Variants in RBFOX1 observed in about 807,000 individuals in gnomAD.
The protein encoded by RBFOX1 is RNA binding fox-1 homolog 1.
In RBFOX1, 8 loss-of-function variants were observed where a neutral mutation model predicts 57.7. The ratio of observed to expected loss-of-function variants is 0.14; its 90% CI spans 0.08 to 0.25. The LOEUF is 0.25. RBFOX1 is among the 10% of genes least tolerant of loss of function. The pLI, the probability that RBFOX1 is intolerant of heterozygous loss-of-function variation, is 1.00. For synonymous variants in RBFOX1, 326 were observed against 222.4 expected (o/e 1.47, Z -4.15); for missense variants, 611 against 548.5 (o/e 1.11, Z -1.14).
intron 3 of RBFOX1, among the ~76,000 whole-genome samples, chr16:6,870,373 C>T (rs144247816): frequency 5.3e-5 from 8 of 152,160 alleles, no homozygotes; most frequent in African/African-American, 1.7e-4. Context: ...ATTGGATTTT[C>T]ACATATCTCA....
intron 2 of RBFOX1, among the ~76,000 whole-genome samples, chr16:5,484,007 C>G (rs919867144): frequency 9.2e-5 from 14 of 151,908 alleles, no homozygotes; most frequent in African/African-American, 3.1e-4. Context: ...CCTGTCTTGC[C>G]AAAAATAAAA....
At chr16:6,178,346 C>T (rs539033107) in intron 1 of RBFOX1, among the ~76,000 whole-genome samples, 1 of 151,960 alleles carries the variant, frequency 6.6e-6, no homozygotes, top group East Asian at 1.9e-4. Context: ...GCCACCATGC[C>T]TAACTTTTTG....
At chr16:7,112,111 C>T (rs1052224524) in intron 4 of RBFOX1, among the ~76,000 whole-genome samples, 16 of 152,080 alleles carry the variant, frequency 1.1e-4, no homozygotes, top group Admixed American at 6.5e-4. Flanking sequence ...TGATCTTATG[C>T]GTTAGACCAA....
At chr16:6,999,216 A>ATTTTTTTTTTT (rs374767232) in intron 3 of RBFOX1, among the ~76,000 whole-genome samples, 2 of 109,024 alleles carry the variant, frequency 1.8e-5, no homozygotes, top group East Asian at 2.4e-4. Context: ...ATTTTTATTT[A>ATTTTTTTTTTT]TTTTTTTTAT....
chr16:6,402,868 G>A (rs754649323), intron 2 of RBFOX1, among the ~76,000 whole-genome samples: 7 of 152,304 alleles, frequency 4.6e-5, no homozygotes, highest in African/African-American at 1.2e-4. Flanking sequence ...AAGTGTAACC[G>A]AGATGTAATT....
chr16:7,204,236 C>G (rs1603017506), intron 4 of RBFOX1, among the ~76,000 whole-genome samples: 1 of 152,212 alleles, frequency 6.6e-6, no homozygotes, highest in Admixed American at 6.5e-5. Context: ...TCTCTTGCCT[C>G]TATCTCAGGC....
intron 3 of RBFOX1, among the ~76,000 whole-genome samples, chr16:5,708,096 G>T (rs563999476): frequency 4.6e-5 from 7 of 152,230 alleles, no homozygotes; most frequent in African/African-American, 1.7e-4. Context: ...CGCTTGTTTC[G>T]TGGGCTCTTC....
At chr16:5,547,929 G>A (rs1215747553) in intron 2 of RBFOX1, among the ~76,000 whole-genome samples, 1 of 151,884 alleles carries the variant, frequency 6.6e-6, no homozygotes, top group East Asian at 1.9e-4. Flanking sequence ...GGAGGCTAAG[G>A]TGGGCAGATC....
chr16:5,301,632 A>C (rs1373813655), intron 1 of RBFOX1, among the ~76,000 whole-genome samples: 13 of 150,642 alleles, frequency 8.6e-5, no homozygotes, highest in Non-Finnish European at 1.3e-4. Context: ...AAAAAAAAAA[A>C]AAAAAACACA....
chr16:7,328,720 AG>A (rs1321592056), intron 4 of RBFOX1: 2 of 151,874 alleles, frequency 1.3e-5, no homozygotes, highest in Admixed American at 6.6e-5. Flanking sequence ...TCTCTGGCAC[AG>A]GGAAAATGAG....
intron 2 of RBFOX1, among the ~76,000 whole-genome samples, chr16:6,510,019 G>A (rs573121899): frequency 6.6e-6 from 1 of 152,248 alleles, no homozygotes; most frequent in African/African-American, 2.4e-5. Context: ...GGCAGGGGTG[G>A]TGTCTGTTCC....
At chr16:6,948,621 A>G (rs755765771) in intron 3 of RBFOX1, among the ~76,000 whole-genome samples, 2 of 151,616 alleles carry the variant, frequency 1.3e-5, no homozygotes, top group Admixed American at 6.6e-5. Flanking sequence ...ACTTCAAATG[A>G]TCTGCTCGCC....
intron 3 of RBFOX1, among the ~76,000 whole-genome samples, chr16:6,806,832 ATATATTT>A (rs2086918014): frequency 1.3e-5 from 1 of 75,898 alleles, no homozygotes; most frequent in Non-Finnish European, 2.7e-5. Context: ...ATATATATAT[ATATATTT>A]TTTTTTTTTT....
In RBFOX1 at chr16:6,546,365, A is replaced by G. The variant is rs563548054; in HGVS notation, c.-63-108238A>G. Among the ~76,000 whole-genome samples, 7 of 152,336 alleles carry G rather than the reference A, an allele frequency of 4.6e-5. No homozygotes were observed. The East Asian group carries it at 1.4e-3, about 29-fold the overall frequency. ...AGTATCACAAACTGGGTGGCTAAAA[A>G]TGACAGACATTTATTGCCTCACCAT... On this transcript the variant is annotated intron_variant, in intron 2 of 15. Coordinates refer to ENST00000550418, the MANE Select transcript of RBFOX1 (RefSeq NM_018723.4).
chr16:7,268,382 C>T (rs113387767), intron 4 of RBFOX1, among the ~76,000 whole-genome samples: 68 of 152,294 alleles, frequency 4.5e-4, no homozygotes, highest in Non-Finnish European at 8.8e-4. Context: ...TTGGAGGACT[C>T]GCTCTCACTC....
At chr16:6,517,562 T>C (rs1361930205) in intron 2 of RBFOX1, among the ~76,000 whole-genome samples, 1 of 152,102 alleles carries the variant, frequency 6.6e-6, no homozygotes, top group Non-Finnish European at 1.5e-5. Context: ...GGATTTATAT[T>C]CAAGGAGAAT....
At chr16:6,487,683 AAAAAAAAAAAAAAAAAAATATATATAT>A (rs1457231542) in intron 2 of RBFOX1, among the ~76,000 whole-genome samples, 7 of 13,284 alleles carry the variant, frequency 5.3e-4, no homozygotes, top group Admixed American at 1.2e-3. Flanking sequence ...TAAAAAAAAA[AAAAAAAAAAAAAAAAAAATATATATAT>A]ATATATATAT....
At chr16:5,438,573 G>C (rs562247585) in intron 1 of RBFOX1, among the ~76,000 whole-genome samples, 1 of 152,240 alleles carries the variant, frequency 6.6e-6, no homozygotes, top group African/African-American at 2.4e-5. Flanking sequence ...TCTCCTATTA[G>C]CTGGCCTGGT....
At chr16:6,324,504 A>G (rs774727318) in intron 2 of RBFOX1, among the ~76,000 whole-genome samples, 1 of 152,178 alleles carries the variant, frequency 6.6e-6, no homozygotes, top group Non-Finnish European at 1.5e-5. Context: ...GGGAGCAGGC[A>G]CATCTTACAT....
Sources: allele counts gnomAD v4.1 joint callset (sites outside exome capture counted in the v4.1 genomes callset), GRCh38; gene constraint gnomAD v4.1.1; transcripts MANE v1.5; gene names NCBI Gene and HGNC (gene_info 2026-07-23, HGNC 2026-07-21).